The following DUS2 variants were observed in gnomAD, a reference collection of about 807,000 sequenced individuals.
The protein encoded by DUS2 is dihydrouridine synthase 2.
In DUS2, 52 loss-of-function variants were observed where a neutral mutation model predicts 71.3. The ratio of observed to expected loss-of-function variants is 0.73; its 90% CI spans 0.58 to 0.92. The LOEUF is 0.92. DUS2 is among the 40% of genes least tolerant of loss of function. The probability of loss-of-function intolerance (pLI) is 0.00; values close to 1 mark genes in which losing one functional copy is unlikely to be tolerated. For synonymous variants in DUS2, 204 were observed against 227.8 expected, an observed-to-expected ratio of 0.90 and a Z score of 0.94; for missense variants, 558 against 622.6, an observed-to-expected ratio of 0.90 and a Z score of 1.10.
chr16:68,047,843 C>G (rs949302327), intron 3 of DUS2, among the ~76,000 whole-genome samples: 2 of 150,556 alleles, frequency 1.3e-5, no homozygotes, highest in Non-Finnish European at 2.9e-5. Flanking sequence ...TGCAGTGGCA[C>G]AATCACAGCT....
At chr16:68,071,147 T>A (rs2034081401) in intron 12 of DUS2, 39 bp downstream of exon 12, 1 of 1,608,380 alleles carries the variant, frequency 6.2e-7, no homozygotes, top group Non-Finnish European at 8.5e-7. Flanking sequence ...CATTTCTCAC[T>A]GTCTACCACA....
rs780076047 is a variant in DUS2, at chr16:68,078,486, C to T, written c.1212C>T (p.Thr404=). The change falls in exon 16 of 17, where the codon ACC becomes ACT. Residue 404 remains threonine (T), a synonymous_variant. Coordinates refer to ENST00000565263, the MANE Select transcript of DUS2 (RefSeq NM_017803.5). ...ATCGCCTGTTCTCCTCTATTGTCAC[C>T]GTTGCTGAACAAAAGTATCAGTCTA... ...PLDRLFSSIV[T]VAEQKYQSTL... is the part of the protein sequence containing the mutation. 10 of 1,614,112 alleles carry T rather than the reference C, an allele frequency of 6.2e-6. No individual in the cohort carries two copies. Among genetic ancestry groups the T allele is most frequent in the East Asian group, 2.2e-5 (1 of 44,888 alleles).
At chr16:68,062,161 C>T (rs548738235) in intron 8 of DUS2, among the ~76,000 whole-genome samples, 5 of 152,022 alleles carry the variant, frequency 3.3e-5, no homozygotes, top group Admixed American at 6.6e-5. Flanking sequence ...CAGGCGCCCA[C>T]GACGACGCCT....
At chr16:68,033,156 G>A (rs1024588041) in intron 2 of DUS2, among the ~76,000 whole-genome samples, 2 of 152,178 alleles carry the variant, frequency 1.3e-5, no homozygotes, top group African/African-American at 4.8e-5. Flanking sequence ...TGGATAGGAA[G>A]GGGCAAGTGT....
chr16:68,044,050 G>A (rs2033667885), intron 3 of DUS2, among the ~76,000 whole-genome samples: 1 of 152,178 alleles, frequency 6.6e-6, no homozygotes, highest in Non-Finnish European at 1.5e-5. Flanking sequence ...TGGTCTGTAT[G>A]TCTACCTGTA....
At chr16:68,053,695 C>T (rs780050986) in intron 5 of DUS2, 40 bp downstream of exon 5, 10 of 1,606,872 alleles carry the variant, frequency 6.2e-6, no homozygotes, top group Non-Finnish European at 8.5e-6. Flanking sequence ...TGAGGCTCAC[C>T]ATCCCCTGGG....
chr16:68,023,321 G>T lies in DUS2; in HGVS notation c.-129G>T. On this transcript the variant is annotated 5_prime_UTR_variant, in exon 1 of 17. Coordinates refer to ENST00000565263, the MANE Select transcript of DUS2 (RefSeq NM_017803.5). ...GGAGCTGGAGCACCGTGAGGAAGAA[G>T]CGAGGTTCTTTTTAAGAGTTCAGCT... is the stretch of plus-strand genomic sequence containing the variant. 8.1e-7 allele frequency: 1 copy of T among 1,240,788 alleles called. No individual in the cohort carries two copies. The highest frequency in any genetic ancestry group is 1.5e-5 in the African/African-American group (1 of 64,872). The allele number at this position is 1,240,788 out of a possible 1,614,324, so 76.9% of individuals were successfully genotyped here. A position where few individuals can be genotyped will look rare whatever the true frequency, so the allele number is the denominator to read the frequency against.
chr16:68,024,681 C>CT (rs1236484637), intron 1 of DUS2, among the ~76,000 whole-genome samples: 1 of 151,970 alleles, frequency 6.6e-6, no homozygotes, highest in Non-Finnish European at 1.5e-5. Flanking sequence ...GGAAGAGAGG[C>CT]TTTTTTTCTC....
At chr16:68,061,196 C>T (rs561762847) in intron 8 of DUS2, 83 bp downstream of exon 8, 8 of 1,389,864 alleles carry the variant, frequency 5.8e-6, no homozygotes, top group Non-Finnish European at 8.1e-6. Flanking sequence ...TCCACCAATA[C>T]CAGATTTACT....
intron 3 of DUS2, among the ~76,000 whole-genome samples, chr16:68,039,874 G>A (rs1288757356): frequency 6.6e-6 from 1 of 152,142 alleles, no homozygotes; most frequent in Non-Finnish European, 1.5e-5. Flanking sequence ...TGAGGGAATA[G>A]AAATAGGGCT....
In DUS2 at chr16:68,061,516, G is replaced by T. The variant is rs187602375; in HGVS notation, c.417+403G>T. 6.2e-3 allele frequency among the ~76,000 whole-genome samples: 942 copies of T among 152,248 alleles called. 11 individuals carry two copies. The highest frequency in any genetic ancestry group is 0.022 in the African/African-American group (899 of 41,550). On this transcript the variant is annotated intron_variant, in intron 8 of 16. Transcript: ENST00000565263. The stretch of plus-strand genomic sequence containing the variant: ...GTGGGTGGATTGGCCTCTCCCAGGG[G>T]GCTTGATGAGAGGAGCAGTGGGTCC...
In DUS2 at chr16:68,023,359, G is replaced by A; in HGVS notation, c.-99+8G>A. 2.2e-6 allele frequency: 2 copies of A among 903,918 alleles called. No homozygotes were observed. The highest frequency in any genetic ancestry group is 3.3e-6 in the Non-Finnish European group (2 of 606,452). 56.0% of individuals were successfully genotyped at this position (903,918 alleles called of 1,614,324 possible). ...TAAGAGTTCAGCTGCGAGGTCTGTA[G>A]CTCCGAATAGGGGATGGCGACATCC... On this transcript the variant is annotated splice_region_variant and intron_variant, in intron 1 of 16. Coordinates refer to ENST00000565263, the MANE Select transcript of DUS2 (RefSeq NM_017803.5).
chr16:68,063,295 G>T (rs1387727055), intron 8 of DUS2, among the ~76,000 whole-genome samples: 1 of 152,168 alleles, frequency 6.6e-6, no homozygotes, highest in African/African-American at 2.4e-5. Flanking sequence ...TTCAATTCGG[G>T]TCCAGACTGT....
chr16:68,037,993 C>CTT lies in DUS2; in HGVS notation c.-18-5_-18-4dup. The stretch of plus-strand genomic sequence containing the variant: ...TTTGAATTTCTGACTCTTGTTTCCT[C>CTT]TTTTTTTTTCAGGCTGTAACAGAGG... On this transcript the variant is annotated splice_polypyrimidine_tract_variant and intron_variant, in intron 2 of 16. Transcript: ENST00000565263. The CTT allele has an allele frequency of 1.3e-6, 2 of 1,564,878 alleles. No individual in the cohort carries two copies. The highest frequency in any genetic ancestry group is 3.6e-5 in the Admixed American group (2 of 55,172).
At chr16:68,045,863 G>T (rs2033693195) in intron 3 of DUS2, among the ~76,000 whole-genome samples, 1 of 151,680 alleles carries the variant, frequency 6.6e-6, no homozygotes, top group Non-Finnish European at 1.5e-5. Flanking sequence ...AAGTAGCTGG[G>T]ATTACAGGCA....
chr16:68,054,630 T>C lies in DUS2; in HGVS notation c.308+13T>C, dbSNP rs775228506. ...TGGCCAGGCTTGTGTAAGTTCATCCTCTGTCTTTAGCACTGCCTTTGCCTC... is the reference window on the plus strand; with the variant it reads ...TGGCCAGGCTTGTGTAAGTTCATCCCCTGTCTTTAGCACTGCCTTTGCCTC... On this transcript the variant is annotated intron_variant, in intron 6 of 16. Transcript: ENST00000565263. 2.5e-6 allele frequency: 4 copies of C among 1,614,168 alleles called. No homozygotes were observed. The South Asian group carries it at 4.4e-5, about 18-fold the overall frequency.
intron 3 of DUS2, among the ~76,000 whole-genome samples, chr16:68,047,870 A>T (rs974917982): frequency 6.7e-6 from 1 of 149,982 alleles, no homozygotes; most frequent in Admixed American, 6.7e-5. Flanking sequence ...AACCTCGAGC[A>T]TCTGGGCTTA....
intron 6 of DUS2, among the ~76,000 whole-genome samples, chr16:68,056,073 C>A (rs1357174016): frequency 1.3e-5 from 2 of 152,094 alleles, no homozygotes; most frequent in Non-Finnish European, 2.9e-5. Flanking sequence ...GTGTGCCCAT[C>A]TGAGTTATCT....
intron 3 of DUS2, among the ~76,000 whole-genome samples, chr16:68,048,439 C>T (rs1234505451): frequency 6.6e-6 from 1 of 152,182 alleles, no homozygotes; most frequent in East Asian, 1.9e-4. Context: ...GGATGCCACA[C>T]TGATTCTTGG....
Sources: allele counts gnomAD v4.1 joint callset (sites outside exome capture counted in the v4.1 genomes callset), GRCh38; gene constraint gnomAD v4.1.1; transcripts MANE v1.5; gene names NCBI Gene and HGNC (gene_info 2026-07-23, HGNC 2026-07-21).